PBX3: variants seen among roughly 807,000 people sequenced by gnomAD.
The protein encoded by PBX3 is pre-B-cell leukemia transcription factor 3.
PBX3 carries 14 observed loss-of-function variants against 48.5 expected under a neutral mutation model. The ratio of observed to expected loss-of-function variants is 0.29; its 90% confidence interval spans 0.19 to 0.45. PBX3 has a LOEUF of 0.45. Among genes scored for constraint, PBX3 ranks in the 20% least tolerant of loss-of-function variants. The pLI is 1.00. For synonymous variants in PBX3, 210 were observed against 200.3 expected (o/e 1.05, Z -0.41); for missense variants, 386 against 546.7 (o/e 0.71, Z 2.93).
intron 2 of PBX3, among the ~76,000 whole-genome samples, chr9:125,902,826 A>T (rs745997089): frequency 6.6e-6 from 1 of 151,772 alleles, no homozygotes; most frequent in Non-Finnish European, 1.5e-5. Flanking sequence ...TTGTTCTATG[A>T]TGCAGCATGT....
At chr9:125,947,135 A>G (rs1842081590) in intron 5 of PBX3, among the ~76,000 whole-genome samples, 1 of 152,216 alleles carries the variant, frequency 6.6e-6, no homozygotes, top group African/African-American at 2.4e-5. Context: ...CAAAAATTGA[A>G]ATAATTTTTC....
At chr9:125,781,011 G>A (rs1837289332) in intron 2 of PBX3, among the ~76,000 whole-genome samples, 1 of 116,398 alleles carries the variant, frequency 8.6e-6, no homozygotes, top group Non-Finnish European at 1.7e-5. Flanking sequence ...TGGCGGCCGG[G>A]CAGAGACGCT....
chr9:125,897,172 A>G (rs1401114388), intron 2 of PBX3, among the ~76,000 whole-genome samples: 2 of 146,342 alleles, frequency 1.4e-5, no homozygotes, highest in African/African-American at 5.0e-5. Flanking sequence ...TCCTGTGCAA[A>G]CATGACATTC....
chr9:125,875,032 G>A (rs1476652414), intron 2 of PBX3, among the ~76,000 whole-genome samples: 2 of 152,164 alleles, frequency 1.3e-5, no homozygotes, highest in Non-Finnish European at 2.9e-5. Flanking sequence ...GATGGATGCT[G>A]ATTTCAAAAA....
chr9:125,833,031 T>G (rs1272993942), intron 2 of PBX3, among the ~76,000 whole-genome samples: 1 of 152,252 alleles, frequency 6.6e-6, no homozygotes, highest in African/African-American at 2.4e-5. Flanking sequence ...CCAGCATCTG[T>G]GTAATCTTAA....
chr9:125,791,614 C>A (rs1354000183), intron 2 of PBX3, among the ~76,000 whole-genome samples: 1 of 152,128 alleles, frequency 6.6e-6, no homozygotes, highest in Non-Finnish European at 1.5e-5. Context: ...TAAGATGTGC[C>A]TGCTTCCCCT....
intron 2 of PBX3, among the ~76,000 whole-genome samples, chr9:125,855,951 G>C (rs1839709095): frequency 6.6e-6 from 1 of 151,782 alleles, no homozygotes; most frequent in Non-Finnish European, 1.5e-5. Context: ...ATCTTTGGAG[G>C]TTTAAATCTA....
intron 4 of PBX3, among the ~76,000 whole-genome samples, chr9:125,933,195 T>G (rs1251202000): frequency 1.3e-5 from 2 of 152,266 alleles, no homozygotes; most frequent in African/African-American, 4.8e-5. Flanking sequence ...CAAGGGGCTC[T>G]GCTCTAGGCA....
chr9:125,929,758 A>G lies in PBX3; in HGVS notation c.620A>G (p.His207Arg), dbSNP rs751451699. 7.4e-6 allele frequency: 12 copies of G among 1,613,976 alleles called. No individual in the cohort carries two copies. The highest frequency in any genetic ancestry group is 9.3e-6 in the Non-Finnish European group (11 of 1,179,834). The change falls in exon 4 of 9, where the codon CAT becomes CGT. Residue 207 changes from histidine (H) to arginine (R), a missense_variant. Physicochemically the swap from His to Arg is conservative, Grantham distance 29. Transcript: ENST00000373489. Reference sequence around the variant, plus strand: ...ATTGAAAGAATGGTGGGCATCATCCATCGAAAATTTAGTTCCATTCAGATG... The same window carrying G: ...ATTGAAAGAATGGTGGGCATCATCCGTCGAAAATTTAGTTCCATTCAGATG... Reference protein sequence around the residue: ...KEIERMVGIIHRKFSSIQMQL... With the variant: ...KEIERMVGIIRRKFSSIQMQL...
intron 2 of PBX3, among the ~76,000 whole-genome samples, chr9:125,839,470 A>G (rs1466174383): frequency 6.6e-6 from 1 of 152,242 alleles, no homozygotes; most frequent in African/African-American, 2.4e-5. Flanking sequence ...GGAAGGAAAC[A>G]GAAATAACCC....
chr9:125,918,837 A>G (rs1841391278), intron 3 of PBX3, among the ~76,000 whole-genome samples: 1 of 152,362 alleles, frequency 6.6e-6, no homozygotes, highest in African/African-American at 2.4e-5. Flanking sequence ...AAAACAGTCA[A>G]CTTTTCCTTT....
chr9:125,809,240 A>C (rs1457797679), intron 2 of PBX3, among the ~76,000 whole-genome samples: 1 of 152,252 alleles, frequency 6.6e-6, no homozygotes, highest in Non-Finnish European at 1.5e-5. Flanking sequence ...GCGTGACTGC[A>C]GATGACTGCA....
intron 2 of PBX3, among the ~76,000 whole-genome samples, chr9:125,810,248 ATTATGACTCATG>A (rs1326492386): frequency 6.6e-6 from 1 of 152,160 alleles, no homozygotes; most frequent in Admixed American, 6.6e-5. Flanking sequence ...GTTCTAACTT[ATTATGACTCATG>A]TTAGGTTAAT....
intron 2 of PBX3, among the ~76,000 whole-genome samples, chr9:125,750,311 G>GTATT (rs997064454): frequency 3.9e-5 from 6 of 152,112 alleles, no homozygotes; most frequent in African/African-American, 1.2e-4. Flanking sequence ...CTCATTATTT[G>GTATT]TATTTATTTA....
chr9:125,935,326 A>C (rs1588313766), intron 4 of PBX3, 146 bp from the exon 5 acceptor site: 1 of 666,514 alleles, frequency 1.5e-6, no homozygotes, highest in Admixed American at 2.8e-5. Context: ...TGTCTAGAAC[A>C]TAACGTATAA....
At chr9:125,763,147 C>G (rs1241803412) in intron 2 of PBX3, among the ~76,000 whole-genome samples, 1 of 151,998 alleles carries the variant, frequency 6.6e-6, no homozygotes, top group Non-Finnish European at 1.5e-5. Flanking sequence ...TTCAATTAGC[C>G]CAGTTTGAGA....
intron 3 of PBX3, among the ~76,000 whole-genome samples, chr9:125,923,568 A>C (rs1841501168): frequency 6.6e-6 from 1 of 152,058 alleles, no homozygotes; most frequent in Non-Finnish European, 1.5e-5. Context: ...TTTACTAATT[A>C]TTTTATTTAT....
rs1309524594 is a variant in PBX3 at position 125,859,963 on chromosome 9, A to G, written c.275-55723A>G. ...CTGTCCTTGAGGGAACTGAAAAAAC[A>G]CTCACTCAAATAATTTTCTGTTGGG... On this transcript the variant is annotated intron_variant, in intron 2 of 8. Transcript: ENST00000373489. 3.3e-5 allele frequency among the ~76,000 whole-genome samples: 5 copies of G among 152,286 alleles called. No homozygotes were observed. The South Asian group carries it at 6.2e-4, about 19-fold the overall frequency.
intron 2 of PBX3, among the ~76,000 whole-genome samples, chr9:125,794,280 T>C (rs922042190): frequency 1.3e-5 from 2 of 152,222 alleles, no homozygotes; most frequent in African/African-American, 2.4e-5. Flanking sequence ...TTATTAAAAC[T>C]GAAGATACTC....
Sources: allele counts gnomAD v4.1 joint callset (sites outside exome capture counted in the v4.1 genomes callset), GRCh38; gene constraint gnomAD v4.1.1; transcripts MANE v1.5; gene names NCBI Gene and HGNC (gene_info 2026-07-23, HGNC 2026-07-21).